Variants in REEP1 observed in about 807,000 individuals in gnomAD.
REEP1 encodes the protein receptor accessory protein 1.
In REEP1, 22 loss-of-function variants were observed where a neutral mutation model predicts 40.3. The ratio of observed to expected loss-of-function variants is 0.55; its 90% CI spans 0.39 to 0.78. The LOEUF (loss-of-function observed/expected upper bound fraction) is 0.78. Ranked by LOEUF, REEP1 falls within the 30% of genes least tolerant of loss-of-function variation. The pLI is 0.00. For missense variants in REEP1, 280 were observed against 361.1 expected, an observed-to-expected ratio of 0.78 and a Z score of 1.82; for synonymous variants, 116 against 139.2, an observed-to-expected ratio of 0.83 and a Z score of 1.17.
chr2:86,293,578 T>C (rs1297454528), intron 1 of REEP1, among the ~76,000 whole-genome samples: 1 of 152,238 alleles, frequency 6.6e-6, no homozygotes, highest in African/African-American at 2.4e-5. Flanking sequence ...TGAATTTCAC[T>C]GTGTGCAAAT....
chr2:86,331,379 G>C, intron 1 of REEP1, among the ~76,000 whole-genome samples: 1 of 152,182 alleles, frequency 6.6e-6, no homozygotes. Flanking sequence ...GATGCAGCAT[G>C]CTACCAGAAG....
At chr2:86,295,018 T>A (rs1359977422) in intron 1 of REEP1, among the ~76,000 whole-genome samples, 1 of 151,944 alleles carries the variant, frequency 6.6e-6, no homozygotes, top group East Asian at 1.9e-4. Flanking sequence ...GGCACCCTGA[T>A]TAGAACACAA....
At chr2:86,316,710 C>T (rs111622020) in intron 1 of REEP1, among the ~76,000 whole-genome samples, 17,051 of 151,252 alleles carry the variant, frequency 0.11, 1,899 homozygotes, top group African/African-American at 0.29. Flanking sequence ...AATATAAAAA[C>T]TAGCTGGGCG....
At chr2:86,230,927 G>C (rs1224998957) in intron 6 of REEP1, among the ~76,000 whole-genome samples, 2 of 152,184 alleles carry the variant, frequency 1.3e-5, no homozygotes, top group African/African-American at 4.8e-5. Flanking sequence ...TTCATCTGAG[G>C]CTTGGTAGAT....
intron 3 of REEP1, among the ~76,000 whole-genome samples, chr2:86,259,892 AAGAAGGTCCAT>A (rs1676765787): frequency 6.6e-6 from 1 of 152,192 alleles, no homozygotes; most frequent in Admixed American, 6.5e-5. Flanking sequence ...GAGTGAGGAA[AAGAAGGTCCAT>A]ACAAGTGGCT....
At chr2:86,239,208 C>CAAAAAAAAAAAAAAAAAAAA (rs35714309) in intron 5 of REEP1, among the ~76,000 whole-genome samples, 2 of 58,348 alleles carry the variant, frequency 3.4e-5, no homozygotes, top group Non-Finnish European at 2.9e-5. Flanking sequence ...CCATCTAGAC[C>CAAAAAAAAAAAAAAAAAAAA]AAAAAAAAAA....
At chr2:86,290,153 C>G (rs192420916) in intron 1 of REEP1, among the ~76,000 whole-genome samples, 2 of 152,210 alleles carry the variant, frequency 1.3e-5, no homozygotes, top group Admixed American at 1.3e-4. Flanking sequence ...TGCACCACCA[C>G]GCCCAGCTGA....
intron 6 of REEP1, among the ~76,000 whole-genome samples, chr2:86,227,999 G>C (rs1674807598): frequency 6.6e-6 from 1 of 152,158 alleles, no homozygotes; most frequent in South Asian, 2.1e-4. Flanking sequence ...TATGGTATCT[G>C]ACTACACACC....
chr2:86,326,431 G>C (rs759702052), intron 1 of REEP1, among the ~76,000 whole-genome samples: 1 of 152,134 alleles, frequency 6.6e-6, no homozygotes, highest in Non-Finnish European at 1.5e-5. Context: ...ATAAAGTTTT[G>C]GTCAGGCATG....
At chr2:86,293,235 T>C (rs1678816885) in intron 1 of REEP1, among the ~76,000 whole-genome samples, 3 of 152,244 alleles carry the variant, frequency 2.0e-5, no homozygotes, top group Admixed American at 2.0e-4. Flanking sequence ...ACTCTGCTCT[T>C]CTAATCCAAC....
rs1680868846 is a variant in REEP1 at position 86,333,519 on chromosome 2, A to C, written c.32+3960T>G. 1.1e-4 allele frequency among the ~76,000 whole-genome samples: 17 copies of C among 152,238 alleles called. 1 individual carries two copies. Among genetic ancestry groups the C allele is most frequent in the Admixed American group, 1.0e-3 (16 of 15,288 alleles). On this transcript the variant is annotated intron_variant, in intron 1 of 8. Transcript: ENST00000538924. Reference sequence around the variant, plus strand: ...GTGGACTTAGAACTCTCTTTCCCCCATGTAGTGAGCTGGGGTTTTAGTCTA... The same window carrying C: ...GTGGACTTAGAACTCTCTTTCCCCCCTGTAGTGAGCTGGGGTTTTAGTCTA...
At chr2:86,310,050 T>C (rs1478761312) in intron 1 of REEP1, among the ~76,000 whole-genome samples, 1 of 152,132 alleles carries the variant, frequency 6.6e-6, no homozygotes, top group Non-Finnish European at 1.5e-5. Context: ...CTTGCCACCA[T>C]AATGAAAAGC....
intron 5 of REEP1, chr2:86,251,254 GACA>G (rs1162926386): frequency 6.5e-6 from 1 of 152,752 alleles, no homozygotes; most frequent in African/African-American, 2.4e-5. Flanking sequence ...ACAAATTGAC[GACA>G]ACAAGAGGGT....
chr2:86,297,729 A>T, intron 1 of REEP1: 1 of 985,378 alleles, frequency 1.0e-6, no homozygotes, highest in Non-Finnish European at 1.2e-6. Flanking sequence ...CAGTGGAATC[A>T]TAAAAGCAAC....
intron 1 of REEP1, among the ~76,000 whole-genome samples, chr2:86,287,937 T>C (rs1574084786): frequency 6.6e-6 from 1 of 152,384 alleles, no homozygotes; most frequent in Non-Finnish European, 1.5e-5. Flanking sequence ...CACTGTGATA[T>C]GTTTTTTCAT....
intron 1 of REEP1, among the ~76,000 whole-genome samples, chr2:86,291,370 A>G (rs573014230): frequency 6.6e-6 from 1 of 152,316 alleles, no homozygotes; most frequent in South Asian, 2.1e-4. Context: ...GTTCACATAA[A>G]CGAGGTTCTC....
At position 86,230,036 on chromosome 2, in the gene REEP1, G is replaced by C. The variant is rs192198278; in HGVS notation, c.595+2589C>G. ...CTTTGCCCCCTGTGGTCATAGGTGC[G>C]GAGGCCAAGGGGGCCAGCAGTGAGG... On this transcript the variant is annotated intron_variant, in intron 6 of 8. Transcript: ENST00000538924. Among the ~76,000 whole-genome samples the C allele has an allele frequency of 7.2e-3, 1,098 of 152,272 alleles. 21 individuals carry two copies. The highest frequency in any genetic ancestry group is 0.025 in the African/African-American group (1,033 of 41,546).
chr2:86,293,320 A>G (rs1346268654), intron 1 of REEP1, among the ~76,000 whole-genome samples: 1 of 152,212 alleles, frequency 6.6e-6, no homozygotes, highest in Non-Finnish European at 1.5e-5. Context: ...TATCAGAACA[A>G]GAAAGGTGGC....
chr2:86,234,674 T>C (rs1675210058), intron 5 of REEP1, among the ~76,000 whole-genome samples: 1 of 152,074 alleles, frequency 6.6e-6, no homozygotes, highest in South Asian at 2.1e-4. Flanking sequence ...GAATTGTAAG[T>C]CCAGGCCAAG....
Sources: allele counts gnomAD v4.1 joint callset (sites outside exome capture counted in the v4.1 genomes callset), GRCh38; gene constraint gnomAD v4.1.1; transcripts MANE v1.5; gene names NCBI Gene and HGNC (gene_info 2026-07-23, HGNC 2026-07-21).